NOL4L: variants seen among roughly 807,000 people sequenced by gnomAD.
The protein encoded by NOL4L is nucleolar protein 4-like.
A neutral mutation model predicts 64.5 loss-of-function variants in NOL4L; 7 were observed. The observed-to-expected ratio is 0.11, with a 90% CI of 0.06 to 0.20. The LOEUF (loss-of-function observed/expected upper bound fraction) is 0.20, where lower values mean the gene tolerates loss of function less well. NOL4L is among the 10% of genes least tolerant of loss of function. NOL4L has a pLI of 1.00. For missense variants in NOL4L, 680 were observed against 967.1 expected, an observed-to-expected ratio of 0.70 and a Z score of 3.94; for synonymous variants, 413 against 401.0, an observed-to-expected ratio of 1.03 and a Z score of -0.36.
At chr20:32,468,765 GGT>G (rs1568619932) in intron 5 of NOL4L, among the ~76,000 whole-genome samples, 1 of 152,016 alleles carries the variant, frequency 6.6e-6, no homozygotes, top group Admixed American at 6.5e-5. Context: ...CAGGCGTGGT[GGT>G]GCACGCCTGT....
intron 5 of NOL4L, chr20:32,465,192 C>T (rs762216494): frequency 8.7e-5 from 40 of 459,184 alleles, no homozygotes; most frequent in South Asian, 2.7e-4. Flanking sequence ...TGTCAGGCGG[C>T]GGGTAACTCA....
chr20:32,453,939 A>G lies in NOL4L; in HGVS notation c.1120-178T>C, dbSNP rs2013201957. 6.4e-6 allele frequency: 4 copies of G among 620,432 alleles called. No individual in the cohort carries two copies. The highest frequency in any genetic ancestry group is 8.5e-6 in the Non-Finnish European group (3 of 354,258). 38.4% of individuals were successfully genotyped at this position (620,432 alleles called of 1,614,324 possible). On this transcript the variant is annotated intron_variant, in intron 6 of 10. Transcript: ENST00000621426. This position sits in a 1 kb window ranked among gnomAD's most constrained non-coding sequence, Gnocchi z 5.6. Reference sequence around the variant, plus strand: ...CTCTTCTGCTCCCTTCATCTGTGCAATGGGGACAGCAATGCTACCACCTCC... The same window carrying G: ...CTCTTCTGCTCCCTTCATCTGTGCAGTGGGGACAGCAATGCTACCACCTCC...
Position 32,464,019 on chromosome 20 carries a change from C to CG in NOL4L, c.842-7625dup, listed in dbSNP as rs1421932402. Among the ~76,000 whole-genome samples the CG allele has an allele frequency of 1.4e-5, 2 of 141,984 alleles. No individual in the cohort carries two copies. The highest frequency in any genetic ancestry group is 5.2e-5 in the African/African-American group (2 of 38,110). 93.1% of individuals were successfully genotyped at this position (141,984 alleles called of 152,430 possible). A position where few individuals can be genotyped will look rare whatever the true frequency, so the allele number is the denominator to read the frequency against. ...AGACTCTGTCACAGCAGCAGCCAGG[C>CG]GGGGGATGGGAGGGGCATCAATAAT... On this transcript the variant is annotated intron_variant, in intron 5 of 10. Coordinates refer to ENST00000621426, the MANE Select transcript of NOL4L (RefSeq NM_001256798.2). This position sits in a 1 kb window ranked among gnomAD's most constrained non-coding sequence, Gnocchi z 5.6.
At position 32,511,371 on chromosome 20, in the gene NOL4L, A is replaced by C; in HGVS notation, c.675T>G (p.Leu225=). 6.5e-7 allele frequency: 1 copy of C among 1,550,254 alleles called. No homozygotes were observed. Among genetic ancestry groups the C allele is most frequent in the Non-Finnish European group, 8.7e-7 (1 of 1,146,790 alleles). Residue 225 remains leucine, a synonymous_variant, in exon 4 of 11, where the codon CTT becomes CTG. Transcript: ENST00000621426. ...LTSTYLKQMK[L]RVMNSQEQDE... ...CCTGCTCCTGGGAATTCATCACTCGAAGCTTCATCTGCTTCAGGTAGGTGG... is the reference window on the plus strand; with the variant it reads ...CCTGCTCCTGGGAATTCATCACTCGCAGCTTCATCTGCTTCAGGTAGGTGG...
At chr20:32,578,669 C>T (rs1252306666) in intron 1 of NOL4L, among the ~76,000 whole-genome samples, 1 of 152,226 alleles carries the variant, frequency 6.6e-6, no homozygotes, top group Admixed American at 6.5e-5. Flanking sequence ...CCTCAAATGA[C>T]AGCAGAGCCT....
At chr20:32,507,039 G>A (rs1328810781) in intron 4 of NOL4L, among the ~76,000 whole-genome samples, 1 of 152,190 alleles carries the variant, frequency 6.6e-6, no homozygotes, top group African/African-American at 2.4e-5. Context: ...TCCTCCAGAG[G>A]TGAGCCCTGA....
chr20:32,509,102 T>G (rs1334161672), intron 4 of NOL4L, among the ~76,000 whole-genome samples: 3 of 152,130 alleles, frequency 2.0e-5, no homozygotes, highest in Non-Finnish European at 4.4e-5. Context: ...CCACCCTAAG[T>G]ACCCCCAGTG....
intron 1 of NOL4L, among the ~76,000 whole-genome samples, chr20:32,564,553 A>T (rs1488327014): frequency 6.6e-6 from 1 of 152,252 alleles, no homozygotes; most frequent in Admixed American, 6.5e-5. Flanking sequence ...TTGCAGCAGA[A>T]GAAACTGAGG....
chr20:32,576,821 C>G (rs1322945742), intron 1 of NOL4L, among the ~76,000 whole-genome samples: 1 of 152,224 alleles, frequency 6.6e-6, no homozygotes, highest in Non-Finnish European at 1.5e-5. Context: ...CCGTCTCCCA[C>G]AAGGCTGGGT....
intron 2 of NOL4L, 26 bp downstream of exon 2, chr20:32,527,732 T>C (rs2018187285): frequency 1.3e-6 from 2 of 1,534,682 alleles, no homozygotes; most frequent in Non-Finnish European, 8.8e-7. Flanking sequence ...GGGCTGCCAG[T>C]GGAGGCAAAG....
intron 1 of NOL4L, among the ~76,000 whole-genome samples, chr20:32,544,440 A>G (rs974449488): frequency 1.3e-5 from 2 of 151,946 alleles, no homozygotes; most frequent in Non-Finnish European, 2.9e-5. Context: ...GCCACCTCCC[A>G]CCTCCCTGCG....
rs931712966 is a variant in NOL4L at position 32,464,308 on chromosome 20, G to A, written c.842-7913C>T. 6.6e-6 allele frequency among the ~76,000 whole-genome samples: 1 copy of A among 152,210 alleles called. No homozygotes were observed. The highest frequency in any genetic ancestry group is 2.4e-5 in the African/African-American group (1 of 41,466). ...GCTGCCCAGCTCTTCCTCCAGAAAG[G>A]CAGGAGGGGTGCAGGGGTCAAATGG... On this transcript the variant is annotated intron_variant, in intron 5 of 10. Coordinates refer to ENST00000621426, the MANE Select transcript of NOL4L (RefSeq NM_001256798.2). This position sits in a 1 kb window ranked among gnomAD's most constrained non-coding sequence, Gnocchi z 5.6.
At position 32,444,842 on chromosome 20, in the gene NOL4L, C is replaced by T. The variant is rs1047029456; in HGVS notation, c.*2754G>A. 2 of 152,156 alleles carry T rather than the reference C, an allele frequency of 1.3e-5. No homozygotes were observed. Among genetic ancestry groups the T allele is most frequent in the African/African-American group, 4.8e-5 (2 of 41,414 alleles). 9.4% of individuals were successfully genotyped at this position (152,156 alleles called of 1,614,324 possible). On this transcript the variant is annotated 3_prime_UTR_variant, in exon 11 of 11. Coordinates refer to ENST00000621426, the MANE Select transcript of NOL4L (RefSeq NM_001256798.2). ...GAGCTCCTTTTGGGAGAAGGCAGTC[C>T]CTCTGGTGAGGGTGAGACAGCAGTG...
intron 1 of NOL4L, 70 bp from the exon 2 acceptor site, chr20:32,527,983 G>A (rs1028069652): frequency 1.0e-5 from 15 of 1,461,014 alleles, no homozygotes; most frequent in African/African-American, 1.4e-5. Context: ...CCCTGAGGCC[G>A]GGGCAAGGGG....
intron 4 of NOL4L, among the ~76,000 whole-genome samples, chr20:32,484,455 T>C (rs1168844139): frequency 6.6e-6 from 1 of 151,998 alleles, no homozygotes; most frequent in Non-Finnish European, 1.5e-5. Context: ...CCTTTGTCTC[T>C]TTCCCACCAC....
At chr20:32,581,119 T>A (rs906861857) in intron 1 of NOL4L, among the ~76,000 whole-genome samples, 1 of 152,128 alleles carries the variant, frequency 6.6e-6, no homozygotes, top group Non-Finnish European at 1.5e-5. Context: ...AGAGATCTTA[T>A]CCCCACCAGC....
In NOL4L at chr20:32,456,386, G is replaced by A. The variant is rs765824312; in HGVS notation, c.851C>T (p.Ser284Phe). 6 of 1,468,096 alleles carry A rather than the reference G, an allele frequency of 4.1e-6. No homozygotes were observed. In the East Asian group the frequency reaches 7.8e-5, roughly 19 times the overall value. 90.9% of individuals were successfully genotyped at this position (1,468,096 alleles called of 1,614,324 possible). A position where few individuals can be genotyped will look rare whatever the true frequency, so the allele number is the denominator to read the frequency against. ...GCCATTGCCGCTGCCACTCTCAGAGGAGGAGTCATCTGGAATGAGAGGCCT... is the reference window on the plus strand; with the variant it reads ...GCCATTGCCGCTGCCACTCTCAGAGAAGGAGTCATCTGGAATGAGAGGCCT... ...NLHSQEDDDS[S>F]SESGSGNGSS... is the part of the protein sequence containing the mutation. Residue 284 changes from serine (S) to phenylalanine (F), a missense_variant, in exon 6 of 11, where the codon TCC becomes TTC. Coordinates refer to ENST00000621426, the MANE Select transcript of NOL4L (RefSeq NM_001256798.2).
At chr20:32,502,801 C>G (rs1224794618) in intron 4 of NOL4L, among the ~76,000 whole-genome samples, 1 of 151,918 alleles carries the variant, frequency 6.6e-6, no homozygotes, top group African/African-American at 2.4e-5. Flanking sequence ...ATCCCAGCTA[C>G]TCGGGAGGCT....
Position 32,453,749 on chromosome 20 carries a change from T to C in NOL4L, c.1132A>G (p.Ser378Gly). Residue 378 changes from serine (S) to glycine (G), a missense_variant, in exon 7 of 11, where the codon AGC (serine) becomes GGC (glycine). By Grantham distance (56) the Ser-to-Gly change is moderately conservative (BLOSUM62 0). Coordinates refer to ENST00000621426, the MANE Select transcript of NOL4L (RefSeq NM_001256798.2). The surrounding 1 kb of genome is among the most constrained non-coding windows in gnomAD (Gnocchi z 5.6). ...TTGATGGAATCGTAGCTCCCAGAGC[T>C]GTAGGGGGGGGACTAAAAGGAGGGC... ...VKTTPESPPY[S>G]SGSYDSIKTE... 1 of 1,553,242 alleles carries C rather than the reference T, an allele frequency of 6.4e-7. No homozygotes were observed. The highest frequency in any genetic ancestry group is 1.7e-4 in the Middle Eastern group (1 of 5,992).
Sources: allele counts gnomAD v4.1 joint callset (sites outside exome capture counted in the v4.1 genomes callset), GRCh38; gene constraint gnomAD v4.1.1; non-coding constraint Gnocchi (gnomAD v3.1); transcripts MANE v1.5; gene names NCBI Gene and HGNC (gene_info 2026-07-23, HGNC 2026-07-21).